The following AUTS2 variants were observed in gnomAD, a reference collection of about 807,000 sequenced individuals.
AUTS2 encodes the protein activator of transcription and developmental regulator AUTS2, also known as autism susceptibility gene 2 protein.
AUTS2 carries 17 observed loss-of-function variants against 112.4 expected under a neutral mutation model. The ratio of observed to expected loss-of-function variants is 0.15; its 90% confidence interval spans 0.10 to 0.23. The LOEUF (loss-of-function observed/expected upper bound fraction) is 0.23. AUTS2 is among the 10% of genes least tolerant of loss of function. AUTS2 has a pLI of 1.00. For synonymous variants in AUTS2, 751 were observed against 702.7 expected, an observed-to-expected ratio of 1.07 and a Z score of -1.09; for missense variants, 1,510 against 1,701.6, an observed-to-expected ratio of 0.89 and a Z score of 1.98.
chr7:70,469,804 C>A (rs1797310145), intron 5 of AUTS2, among the ~76,000 whole-genome samples: 1 of 152,150 alleles, frequency 6.6e-6, no homozygotes, highest in Non-Finnish European at 1.5e-5. Context: ...CCACGCCCGG[C>A]TAATTTTTTA....
At chr7:70,707,827 G>C (rs776067408) in intron 6 of AUTS2, among the ~76,000 whole-genome samples, 3 of 152,126 alleles carry the variant, frequency 2.0e-5, no homozygotes. Context: ...TTTTCAGCCA[G>C]ATTTTATTAG....
intron 2 of AUTS2, among the ~76,000 whole-genome samples, chr7:70,013,496 C>T (rs1009995134): frequency 6.6e-6 from 1 of 152,138 alleles, no homozygotes; most frequent in Non-Finnish European, 1.5e-5. Context: ...TATCTCTATC[C>T]CATTTCCCCT....
chr7:70,223,119 C>A lies in AUTS2; in HGVS notation c.660+88548C>A, dbSNP rs1162283682. The stretch of plus-strand genomic sequence containing the variant: ...GGCCAGGCTGGTCTTGAATTCCTAA[C>A]CTTGTGATCCTCCTGCCTTGGCCTC... On this transcript the variant is annotated intron_variant, in intron 4 of 18. Transcript: ENST00000342771. 4.6e-5 allele frequency among the ~76,000 whole-genome samples: 7 copies of A among 152,060 alleles called. 1 individual carries two copies. The highest frequency in any genetic ancestry group is 1.0e-4 in the Non-Finnish European group (7 of 68,008).
At chr7:69,805,262 G>C (rs919824500) in intron 1 of AUTS2, among the ~76,000 whole-genome samples, 1 of 152,208 alleles carries the variant, frequency 6.6e-6, no homozygotes, top group African/African-American at 2.4e-5. Flanking sequence ...TGTGGCAAGT[G>C]CTTTGCTCAA....
intron 1 of AUTS2, among the ~76,000 whole-genome samples, chr7:69,734,292 C>T (rs1786931173): frequency 6.6e-6 from 1 of 151,526 alleles, no homozygotes; most frequent in African/African-American, 2.4e-5. Context: ...TGAAGGGCTG[C>T]CATTTTTCTG....
At chr7:69,819,719 G>A (rs181833471) in intron 1 of AUTS2, among the ~76,000 whole-genome samples, 4 of 152,332 alleles carry the variant, frequency 2.6e-5, no homozygotes, top group African/African-American at 7.2e-5. Context: ...CTGAGCTCAA[G>A]TGATCTTCCT....
At chr7:69,674,612 A>G (rs915837900) in intron 1 of AUTS2, among the ~76,000 whole-genome samples, 1 of 142,896 alleles carries the variant, frequency 7.0e-6, no homozygotes, top group Non-Finnish European at 1.5e-5. Context: ...CTGAGAGTTC[A>G]TCACAGGGGC....
chr7:69,916,604 A>C (rs1344878358), intron 2 of AUTS2, among the ~76,000 whole-genome samples: 1 of 151,842 alleles, frequency 6.6e-6, no homozygotes, highest in African/African-American at 2.4e-5. Flanking sequence ...CTTCCTCCTC[A>C]ATTTCCTTCC....
intron 1 of AUTS2, among the ~76,000 whole-genome samples, chr7:69,832,011 G>C (rs1171494561): frequency 6.6e-6 from 1 of 152,126 alleles, no homozygotes; most frequent in Non-Finnish European, 1.5e-5. Flanking sequence ...TTAGTATTTT[G>C]TGTGACATTT....
intron 4 of AUTS2, among the ~76,000 whole-genome samples, chr7:70,384,962 T>G (rs559041894): frequency 6.6e-6 from 1 of 152,168 alleles, no homozygotes; most frequent in Non-Finnish European, 1.5e-5. Context: ...CTTGGAGATA[T>G]AGTGGGTAAA....
intron 2 of AUTS2, among the ~76,000 whole-genome samples, chr7:70,107,557 T>C (rs1385092529): frequency 6.7e-6 from 1 of 149,696 alleles, no homozygotes; most frequent in Non-Finnish European, 1.5e-5. Flanking sequence ...TTGGCCAGGA[T>C]GGTCTCAATC....
intron 5 of AUTS2, among the ~76,000 whole-genome samples, chr7:70,683,756 G>A (rs1808323980): frequency 6.6e-6 from 1 of 152,226 alleles, no homozygotes; most frequent in African/African-American, 2.4e-5. Flanking sequence ...CTATGTAACA[G>A]CGGCATATGA....
chr7:70,095,159 G>A (rs1487005230), intron 2 of AUTS2, among the ~76,000 whole-genome samples: 1 of 152,146 alleles, frequency 6.6e-6, no homozygotes, highest in East Asian at 1.9e-4. Context: ...ACATCATTTG[G>A]CAAGCTGCCT....
chr7:69,980,191 T>C (rs557272400), intron 2 of AUTS2, among the ~76,000 whole-genome samples: 1 of 152,308 alleles, frequency 6.6e-6, no homozygotes, highest in East Asian at 1.9e-4. Context: ...CCAGTGATCC[T>C]CCAGCCTCAG....
At chr7:70,273,744 G>A (rs1787801829) in intron 4 of AUTS2, among the ~76,000 whole-genome samples, 1 of 152,062 alleles carries the variant, frequency 6.6e-6, no homozygotes. Flanking sequence ...TGTATGAAAA[G>A]TCGGCCCTCT....
intron 5 of AUTS2, among the ~76,000 whole-genome samples, chr7:70,474,748 T>G (rs1005669263): frequency 6.6e-6 from 1 of 152,180 alleles, no homozygotes; most frequent in East Asian, 1.9e-4. Context: ...CTGTCAGCCA[T>G]AGACATCCCC....
At chr7:70,745,767 G>A (rs6946611) in intron 6 of AUTS2, among the ~76,000 whole-genome samples, 152,303 of 152,320 alleles carry the variant, frequency 1, 76,143 homozygotes, top group Non-Finnish European at 1. Context: ...TAGTTTTATT[G>A]TATATTGAAA....
intron 2 of AUTS2, among the ~76,000 whole-genome samples, chr7:69,992,839 C>T (rs970775445): frequency 2.6e-5 from 4 of 152,094 alleles, no homozygotes; most frequent in African/African-American, 4.8e-5. Context: ...AAGCTGTGAT[C>T]GCACCACTGC....
At chr7:70,325,484 G>C (rs912359407) in intron 4 of AUTS2, among the ~76,000 whole-genome samples, 1 of 152,160 alleles carries the variant, frequency 6.6e-6, no homozygotes, top group Non-Finnish European at 1.5e-5. Flanking sequence ...CTCCTGTCCA[G>C]TGTGTCCTAG....
Sources: gnomAD v4.1 joint callset for allele counts (sites outside exome capture counted in the v4.1 genomes callset) on GRCh38, gnomAD v4.1.1 for gene constraint, MANE v1.5 for transcripts, NCBI Gene and HGNC (gene_info 2026-07-23, HGNC 2026-07-21) for gene names.